Variants in MMP26 observed in about 807,000 individuals in gnomAD.
The protein encoded by MMP26 is matrix metalloproteinase-26.
In MMP26, 33 loss-of-function variants were observed where a neutral mutation model predicts 31.0. The observed-to-expected ratio is 1.06, with a 90% CI of 0.81 to 1.42. MMP26 has a LOEUF of 1.42. Ranked by LOEUF, MMP26 falls within the 40% of genes most tolerant of loss-of-function variation. MMP26 has a pLI of 0.00. For missense variants in MMP26, 347 were observed against 316.1 expected, an observed-to-expected ratio of 1.10 and a Z score of -0.74; for synonymous variants, 122 against 114.9, an observed-to-expected ratio of 1.06 and a Z score of -0.40.
At chr11:4,932,634 C>T (rs1475554699) in intron 2 of MMP26, among the ~76,000 whole-genome samples, 2 of 152,136 alleles carry the variant, frequency 1.3e-5, no homozygotes, top group East Asian at 3.9e-4. Flanking sequence ...CAAGACATCC[C>T]TGCTGAGCTC....
intron 2 of MMP26, among the ~76,000 whole-genome samples, chr11:4,822,773 A>G (rs1213115598): frequency 6.6e-6 from 1 of 152,180 alleles, no homozygotes; most frequent in Non-Finnish European, 1.5e-5. Context: ...TCTTGATTAT[A>G]TATGCGATTC....
intron 2 of MMP26, among the ~76,000 whole-genome samples, chr11:4,773,762 T>C (rs1319748184): frequency 6.6e-6 from 1 of 152,156 alleles, no homozygotes; most frequent in Non-Finnish European, 1.5e-5. Context: ...ATGCATTAGC[T>C]ATTTTTCCTA....
intron 2 of MMP26, among the ~76,000 whole-genome samples, chr11:4,925,759 C>G (rs571702034): frequency 7.4e-6 from 1 of 135,258 alleles, no homozygotes; most frequent in South Asian, 2.5e-4. Flanking sequence ...ACCAAGCCAC[C>G]ACTGTTAACT....
chr11:4,907,759 A>G (rs768110572), intron 2 of MMP26: 1 of 1,614,094 alleles, frequency 6.2e-7, no homozygotes, highest in South Asian at 1.1e-5. Context: ...ACAATCCCTT[A>G]AGATACAGTT....
At chr11:4,933,867 T>A (rs534730120) in intron 2 of MMP26, among the ~76,000 whole-genome samples, 2 of 150,330 alleles carry the variant, frequency 1.3e-5, no homozygotes, top group South Asian at 4.2e-4. Flanking sequence ...AATGATGATT[T>A]CCAATTTCAT....
At chr11:4,924,241 G>A (rs748595498) in intron 2 of MMP26, 1 of 1,614,212 alleles carries the variant, frequency 6.2e-7, no homozygotes, top group Non-Finnish European at 8.5e-7. Flanking sequence ...AGATGAAGCA[G>A]AAGGGAATAG....
At chr11:4,872,977 G>A (rs778645448) in intron 2 of MMP26, among the ~76,000 whole-genome samples, 7 of 152,076 alleles carry the variant, frequency 4.6e-5, no homozygotes, top group Non-Finnish European at 1.0e-4. Context: ...GTACACTCAT[G>A]TGTCTCATCT....
chr11:4,720,168 C>T lies in MMP26; in HGVS notation c.-217+15123C>T, dbSNP rs555911643. Among the ~76,000 whole-genome samples, 6 of 152,314 alleles carry T rather than the reference C, an allele frequency of 3.9e-5. No individual in the cohort carries two copies. The East Asian group carries it at 1.2e-3, about 29-fold the overall frequency. Reference sequence around the variant, plus strand: ...AACTGTATTTGGTCAAATATTCATACTTTCTCCCAGCTCTTCAGGGAAGAT... The same window carrying T: ...AACTGTATTTGGTCAAATATTCATATTTTCTCCCAGCTCTTCAGGGAAGAT... On this transcript the variant is annotated intron_variant, in intron 1 of 7. Transcript: ENST00000380390.
chr11:4,712,389 A>G (rs1404370618), intron 1 of MMP26: 2 of 152,208 alleles, frequency 1.3e-5, no homozygotes, highest in Non-Finnish European at 2.9e-5. Flanking sequence ...TCTTTCTCCC[A>G]GTAGAAGCCT....
intron 2 of MMP26, among the ~76,000 whole-genome samples, chr11:4,942,413 AGT>A (rs951810331): frequency 2.8e-4 from 42 of 151,944 alleles, no homozygotes; most frequent in Admixed American, 1.4e-3. Flanking sequence ...ATTACAGGAG[AGT>A]GGTAATGTAG....
intron 2 of MMP26, among the ~76,000 whole-genome samples, chr11:4,799,464 A>T (rs1048473237): frequency 2.0e-5 from 3 of 152,210 alleles, no homozygotes; most frequent in African/African-American, 7.2e-5. Flanking sequence ...TAAGCCATTC[A>T]TGAGAGATCG....
intron 2 of MMP26, chr11:4,945,871 G>A (rs1260161508): frequency 9.6e-6 from 4 of 417,194 alleles, no homozygotes; most frequent in East Asian, 5.0e-5. Context: ...ACTTCTGTCA[G>A]AGCTGTAAAA....
At position 4,989,960 on chromosome 11, in the gene MMP26, T is replaced by C. The variant is rs531716026; in HGVS notation, c.320+92T>C. On this transcript the variant is annotated intron_variant, in intron 4 of 7. Coordinates refer to ENST00000380390, the MANE Select transcript of MMP26 (RefSeq NM_021801.5). ...CTCTCCTGGAGGTACCTCTACTCTCTTCTGCTTTCATTGGCAGCCCGCTCA... is the reference window on the plus strand; with the variant it reads ...CTCTCCTGGAGGTACCTCTACTCTCCTCTGCTTTCATTGGCAGCCCGCTCA... The C allele has an allele frequency of 5.8e-6, 6 of 1,039,576 alleles. No individual in the cohort carries two copies. The East Asian group carries it at 1.6e-4, about 27-fold the overall frequency. The allele number at this position is 1,039,576 out of a possible 1,614,324, so 64.4% of individuals were successfully genotyped here. A position where few individuals can be genotyped will look rare whatever the true frequency, so the allele number is the denominator to read the frequency against.
At chr11:4,888,378 T>C (rs1342116642) in intron 2 of MMP26, among the ~76,000 whole-genome samples, 1 of 152,154 alleles carries the variant, frequency 6.6e-6, no homozygotes, top group African/African-American at 2.4e-5. Context: ...TATTGAATAC[T>C]ATATTGTTAT....
intron 1 of MMP26, among the ~76,000 whole-genome samples, chr11:4,706,953 T>C (rs116043076): frequency 0.02 from 3,080 of 152,328 alleles, 129 homozygotes; most frequent in African/African-American, 0.07. Flanking sequence ...CATGTATGTC[T>C]TGTGCTTTCT....
intron 2 of MMP26, among the ~76,000 whole-genome samples, chr11:4,899,759 A>T (rs1386273559): frequency 6.6e-6 from 1 of 152,192 alleles, no homozygotes; most frequent in African/African-American, 2.4e-5. Flanking sequence ...CTTAGAGAAG[A>T]TCAAAGTTAT....
chr11:4,822,333 C>T, intron 2 of MMP26: 2 of 1,498,590 alleles, frequency 1.3e-6, no homozygotes, highest in South Asian at 1.4e-5. Context: ...TTCAAAAGGC[C>T]ATTATCAAGG....
intron 2 of MMP26, chr11:4,915,647 A>C (rs778811207): frequency 6.2e-7 from 1 of 1,611,842 alleles, no homozygotes; most frequent in Non-Finnish European, 8.5e-7. Context: ...GCTGTTTCCC[A>C]GGGATCCCAG....
chr11:4,888,881 T>C (rs1395267624), intron 2 of MMP26, among the ~76,000 whole-genome samples: 1 of 152,206 alleles, frequency 6.6e-6, no homozygotes, highest in Non-Finnish European at 1.5e-5. Context: ...ACCATGTGTC[T>C]GAAAGTCACC....
Sources: gnomAD v4.1 joint callset for allele counts (sites outside exome capture counted in the v4.1 genomes callset) on GRCh38, gnomAD v4.1.1 for gene constraint, MANE v1.5 for transcripts, NCBI Gene and HGNC (gene_info 2026-07-23, HGNC 2026-07-21) for gene names.